RIMS1: variants seen among roughly 807,000 people sequenced by gnomAD.
RIMS1 encodes the protein regulating synaptic membrane exocytosis protein 1.
RIMS1 carries 83 observed loss-of-function variants against 214.1 expected under a neutral mutation model. The ratio of observed to expected loss-of-function variants is 0.39; its 90% CI spans 0.32 to 0.47. The LOEUF (loss-of-function observed/expected upper bound fraction) is 0.47, where lower values mean the gene tolerates loss of function less well. RIMS1 is among the 20% of genes least tolerant of loss of function. The pLI, the probability that RIMS1 is intolerant of heterozygous loss-of-function variation, is 0.99. For synonymous variants in RIMS1, 793 were observed against 786.8 expected (o/e 1.01, Z -0.13); for missense variants, 2,050 against 2,161.8 (o/e 0.95, Z 1.03).
chr6:71,951,490 T>G (rs9351881), intron 1 of RIMS1, among the ~76,000 whole-genome samples: 60 of 67,252 alleles, frequency 8.9e-4, no homozygotes, highest in African/African-American at 3.1e-3. Context: ...TTTTTTTTTT[T>G]TTTGTGTGTG....
At chr6:72,308,131 T>C (rs572600451) in intron 27 of RIMS1, among the ~76,000 whole-genome samples, 1 of 152,258 alleles carries the variant, frequency 6.6e-6, no homozygotes, top group South Asian at 2.1e-4. Context: ...CAGCTCTGTC[T>C]TTAGTAAGAA....
chr6:72,205,753 T>C (rs2052792493), intron 6 of RIMS1, among the ~76,000 whole-genome samples: 2 of 152,160 alleles, frequency 1.3e-5, no homozygotes, highest in African/African-American at 4.8e-5. Flanking sequence ...ATGATAGATA[T>C]GGACAAGTAT....
At chr6:72,209,825 C>T (rs1169150868) in intron 6 of RIMS1, among the ~76,000 whole-genome samples, 18 of 144,982 alleles carry the variant, frequency 1.2e-4, no homozygotes, top group African/African-American at 3.0e-4. Flanking sequence ...GGCATGAACC[C>T]GGGAGGCGGA....
chr6:72,212,350 A>G (rs1021892737), intron 6 of RIMS1, among the ~76,000 whole-genome samples: 2 of 151,278 alleles, frequency 1.3e-5, no homozygotes. Flanking sequence ...TCACATATAT[A>G]TGTATTTGCA....
intron 6 of RIMS1, among the ~76,000 whole-genome samples, chr6:72,222,045 G>A (rs1016844154): frequency 3.3e-5 from 5 of 151,932 alleles, no homozygotes; most frequent in East Asian, 3.9e-4. Flanking sequence ...AATTGGGAAC[G>A]TTTTGTTATG....
intron 4 of RIMS1, among the ~76,000 whole-genome samples, chr6:72,130,047 A>G (rs1237254894): frequency 6.6e-6 from 1 of 152,156 alleles, no homozygotes; most frequent in Non-Finnish European, 1.5e-5. Context: ...CAGTTTAATA[A>G]GTTGATTTTA....
At chr6:71,976,365 A>G (rs1051550428) in intron 2 of RIMS1, among the ~76,000 whole-genome samples, 9 of 152,174 alleles carry the variant, frequency 5.9e-5, no homozygotes, top group Non-Finnish European at 8.8e-5. Flanking sequence ...TTGGAGAAAT[A>G]TCTATCAAAA....
At chr6:71,899,447 C>T (rs1772878416) in intron 1 of RIMS1, among the ~76,000 whole-genome samples, 2 of 151,740 alleles carry the variant, frequency 1.3e-5, no homozygotes, top group African/African-American at 4.8e-5. Context: ...TGGCTACTCA[C>T]ATATATATCT....
Position 72,162,288 on chromosome 6 carries a change from T to C in RIMS1, c.472-17287T>C, listed in dbSNP as rs148767626. Among the ~76,000 whole-genome samples, 30 of 140,522 alleles carry C rather than the reference T, an allele frequency of 2.1e-4. 3 individuals carry two copies. The highest frequency in any genetic ancestry group is 6.9e-4 in the African/African-American group (28 of 40,666). The allele number at this position is 140,522 out of a possible 152,430, so 92.2% of individuals were successfully genotyped here. On this transcript the variant is annotated intron_variant, in intron 4 of 33. Transcript: ENST00000521978. ...TTTTGAGGCTATGTGTGTCTCTGCA[T>C]GTGAGATGGGTTTCCTGAATAGAGC...
intron 4 of RIMS1, among the ~76,000 whole-genome samples, chr6:72,179,074 T>C (rs895211381): frequency 1.3e-5 from 2 of 152,252 alleles, no homozygotes; most frequent in African/African-American, 4.8e-5. Context: ...ATGTTTCTTC[T>C]ATGTGAATAT....
At chr6:72,202,480 C>T (rs1390440771) in intron 6 of RIMS1, among the ~76,000 whole-genome samples, 1 of 150,374 alleles carries the variant, frequency 6.7e-6, no homozygotes, top group Non-Finnish European at 1.5e-5. Context: ...TTAGGAACCT[C>T]CCTAATGGCC....
intron 2 of RIMS1, among the ~76,000 whole-genome samples, chr6:72,011,141 A>G (rs567907581): frequency 2.6e-5 from 4 of 152,218 alleles, no homozygotes; most frequent in Non-Finnish European, 5.9e-5. Context: ...ATATAGACCA[A>G]TGGAATAGAA....
chr6:72,361,096 CTTTTTTTTTTTTTTTT>C (rs70994124), intron 29 of RIMS1, among the ~76,000 whole-genome samples: 18 of 54,436 alleles, frequency 3.3e-4, no homozygotes, highest in African/African-American at 1.3e-3. Flanking sequence ...GTCTTTCTTT[CTTTTTTTTTTTTTTTT>C]TTTTTTTTTT....
At chr6:71,895,928 A>C (rs888342790) in intron 1 of RIMS1, among the ~76,000 whole-genome samples, 2 of 152,204 alleles carry the variant, frequency 1.3e-5, no homozygotes, top group Non-Finnish European at 2.9e-5. Flanking sequence ...AGATGAAAAC[A>C]AAAGTAAAGT....
intron 4 of RIMS1, among the ~76,000 whole-genome samples, chr6:72,133,449 A>C (rs191439119): frequency 1.7e-3 from 257 of 152,324 alleles, no homozygotes; most frequent in Non-Finnish European, 3.0e-3. Context: ...AAACAGACAC[A>C]AGAATTCAAA....
rs1528505 is a variant in RIMS1, at chr6:72,097,275, G to T, written c.459+113G>T. ...AGCAGACATGTGCATAAACATACACGTTAAAATGAACCTCCCTCATTTTGT... is the reference window on the plus strand; with the variant it reads ...AGCAGACATGTGCATAAACATACACTTTAAAATGAACCTCCCTCATTTTGT... On this transcript the variant is annotated intron_variant, in intron 3 of 33. Transcript: ENST00000521978. The T allele has an allele frequency of 6.9e-6, 6 of 863,538 alleles. No homozygotes were observed. The Admixed American group carries it at 1.1e-4, about 16-fold the overall frequency. The allele number at this position is 863,538 out of a possible 1,614,324, so 53.5% of individuals were successfully genotyped here.
chr6:72,265,016 CT>C lies in RIMS1; in HGVS notation c.3161del (p.Leu1054TyrfsTer24). The C allele has an allele frequency of 6.3e-7, 1 of 1,596,278 alleles. No individual in the cohort carries two copies. Among genetic ancestry groups the C allele is most frequent in the Admixed American group, 1.7e-5 (1 of 58,376 alleles). ...TATAAAACATTACCTCCCAAGATGCCTTTATTACAGAGCAGTTCTCACTGGA... is the reference window on the plus strand; with the variant it reads ...TATAAAACATTACCTCCCAAGATGCCTTATTACAGAGCAGTTCTCACTGGA... ...RHYKTLPPKMPLLQSSSHWNI... is the reference protein window; with the variant it reads ...RHYKTLPPKMXLLQSSSHWNI... On this transcript the variant is annotated frameshift_variant, in exon 20 of 34. Coordinates refer to ENST00000521978, the MANE Select transcript of RIMS1 (RefSeq NM_014989.7). LOFTEE classifies it high-confidence loss of function.
At chr6:71,909,882 C>T (rs1350651408) in intron 1 of RIMS1, among the ~76,000 whole-genome samples, 4 of 152,058 alleles carry the variant, frequency 2.6e-5, no homozygotes, top group South Asian at 2.1e-4. Flanking sequence ...CAACAATCTG[C>T]GTATTGTTGG....
intron 1 of RIMS1, among the ~76,000 whole-genome samples, chr6:71,929,835 A>T (rs1240529151): frequency 1.3e-5 from 2 of 152,142 alleles, no homozygotes; most frequent in Non-Finnish European, 2.9e-5. Context: ...AATGATTCTA[A>T]TGTGCTCCAG....
Sources: allele counts gnomAD v4.1 joint callset (sites outside exome capture counted in the v4.1 genomes callset), GRCh38; gene constraint gnomAD v4.1.1; transcripts MANE v1.5; gene names NCBI Gene and HGNC (gene_info 2026-07-23, HGNC 2026-07-21).